Variants in PIP5K1B observed in about 807,000 individuals in gnomAD.
PIP5K1B encodes phosphatidylinositol-4-phosphate 5-kinase type 1 beta.
Under a neutral mutation model 67.0 loss-of-function variants are expected in PIP5K1B, and 42 were observed. The observed-to-expected ratio is 0.63, with a 90% CI of 0.49 to 0.81. The LOEUF (loss-of-function observed/expected upper bound fraction) is 0.81, where lower values mean the gene tolerates loss of function less well. Among genes scored for constraint, PIP5K1B ranks in the 30% least tolerant of loss-of-function variants. The pLI is 0.00. For synonymous variants in PIP5K1B, 214 were observed against 231.4 expected (o/e 0.92, Z 0.68); for missense variants, 459 against 646.3 (o/e 0.71, Z 3.14).
At chr9:68,826,820 T>C (rs1834010950) in intron 4 of PIP5K1B, among the ~76,000 whole-genome samples, 1 of 152,156 alleles carries the variant, frequency 6.6e-6, no homozygotes, top group Non-Finnish European at 1.5e-5. Context: ...GGCACAATCT[T>C]GGCTCACTGC....
chr9:68,995,986 A>T (rs1295665055), intron 15 of PIP5K1B, among the ~76,000 whole-genome samples: 2 of 152,166 alleles, frequency 1.3e-5, no homozygotes, highest in Non-Finnish European at 2.9e-5. Context: ...CAGTGTTGTC[A>T]CCAAACGTGG....
intron 1 of PIP5K1B, among the ~76,000 whole-genome samples, chr9:68,732,810 G>T (rs191241246): frequency 6.6e-6 from 1 of 151,682 alleles, no homozygotes; most frequent in Non-Finnish European, 1.5e-5. Flanking sequence ...AGGCAAAGCC[G>T]GGTAATTCTT....
At chr9:68,873,281 CTTTT>C (rs772335388) in intron 5 of PIP5K1B, among the ~76,000 whole-genome samples, 2 of 90,634 alleles carry the variant, frequency 2.2e-5, no homozygotes, top group African/African-American at 4.4e-5. Flanking sequence ...ACTTTCTGAT[CTTTT>C]TTTTTTTTTT....
intron 6 of PIP5K1B, 42 bp from the exon 7 acceptor site, chr9:68,888,939 C>T: frequency 2.1e-6 from 3 of 1,407,964 alleles, no homozygotes; most frequent in East Asian, 2.3e-5. Context: ...GCATCACGTA[C>T]ATCAAGTATA....
At chr9:68,937,401 A>G (rs753720135) in intron 13 of PIP5K1B, among the ~76,000 whole-genome samples, 3 of 152,214 alleles carry the variant, frequency 2.0e-5, no homozygotes, top group East Asian at 3.8e-4. Context: ...AGAAATGTTC[A>G]TAGTATTCTC....
At chr9:68,859,206 C>T (rs11144021) in intron 4 of PIP5K1B, among the ~76,000 whole-genome samples, 1 of 152,028 alleles carries the variant, frequency 6.6e-6, no homozygotes, top group Admixed American at 6.5e-5. Context: ...CAAATGTGAT[C>T]GTTAAAAGAC....
At chr9:68,967,878 A>AC (rs906277503) in intron 14 of PIP5K1B, among the ~76,000 whole-genome samples, 3 of 151,996 alleles carry the variant, frequency 2.0e-5, no homozygotes, top group African/African-American at 7.2e-5. Context: ...TCAAAGGCTC[A>AC]CCCCCATGGG....
chr9:68,776,550 G>T (rs1830926770), intron 2 of PIP5K1B, among the ~76,000 whole-genome samples: 1 of 152,052 alleles, frequency 6.6e-6, no homozygotes, highest in South Asian at 2.1e-4. Flanking sequence ...ACTCAACAAT[G>T]CTTCCACCTC....
intron 2 of PIP5K1B, among the ~76,000 whole-genome samples, 159 bp downstream of exon 2, chr9:68,742,816 A>G (rs1167492175): frequency 6.6e-6 from 1 of 152,184 alleles, no homozygotes; most frequent in African/African-American, 2.4e-5. Flanking sequence ...CTGTAGAAAG[A>G]GGTGCCCCAG....
chr9:68,935,870 A>C (rs1253040471), intron 13 of PIP5K1B: 1 of 152,254 alleles, frequency 6.6e-6, no homozygotes, highest in East Asian at 1.9e-4. Flanking sequence ...AGAGGCAGAA[A>C]GGAAAAATAT....
intron 4 of PIP5K1B, among the ~76,000 whole-genome samples, chr9:68,833,652 C>T (rs1323748692): frequency 6.6e-6 from 1 of 151,494 alleles, no homozygotes; most frequent in East Asian, 1.9e-4. Context: ...TAGGCAGCAG[C>T]CTAGACAAAG....
At chr9:68,990,181 T>G (rs1485369519) in intron 14 of PIP5K1B, among the ~76,000 whole-genome samples, 3 of 152,162 alleles carry the variant, frequency 2.0e-5, no homozygotes, top group African/African-American at 7.2e-5. Context: ...CAGTGCTCTG[T>G]GTTTATGTGG....
At chr9:68,844,435 G>A (rs769943806) in intron 4 of PIP5K1B, among the ~76,000 whole-genome samples, 7 of 152,192 alleles carry the variant, frequency 4.6e-5, no homozygotes, top group Non-Finnish European at 7.3e-5. Flanking sequence ...TGTTGTAGCA[G>A]CAGGAGCCAA....
chr9:68,740,095 C>G (rs1828931824), intron 1 of PIP5K1B, among the ~76,000 whole-genome samples: 1 of 152,198 alleles, frequency 6.6e-6, no homozygotes, highest in Admixed American at 6.5e-5. Context: ...ATTCCCAATC[C>G]CTACCAGTAA....
At chr9:68,850,549 C>T (rs1229309765) in intron 4 of PIP5K1B, among the ~76,000 whole-genome samples, 1 of 152,224 alleles carries the variant, frequency 6.6e-6, no homozygotes, top group Admixed American at 6.5e-5. Context: ...TGAAGAACAA[C>T]TGCTAAGTAA....
At position 68,735,582 on chromosome 9, in the gene PIP5K1B, G is replaced by A. The variant is rs116368750; in HGVS notation, c.-242-6919G>A. On this transcript the variant is annotated intron_variant, in intron 1 of 15. Transcript: ENST00000265382. ...GTTTTGTATTTTTAGTAGAGATGGC[G>A]TTTAGCCATGTTGGCCGAGCTGGTC... 4.3e-3 allele frequency among the ~76,000 whole-genome samples: 656 copies of A among 152,126 alleles called. 8 individuals are homozygous for A. The highest frequency in any genetic ancestry group is 0.015 in the African/African-American group (614 of 41,500).
chr9:68,892,168 C>A (rs1824825022), intron 7 of PIP5K1B, among the ~76,000 whole-genome samples: 1 of 152,178 alleles, frequency 6.6e-6, no homozygotes, highest in Non-Finnish European at 1.5e-5. Flanking sequence ...CCCAAATCAA[C>A]TTATAAATCC....
intron 14 of PIP5K1B, among the ~76,000 whole-genome samples, chr9:68,955,610 C>T (rs899001422): frequency 1.3e-5 from 2 of 152,212 alleles, no homozygotes; most frequent in African/African-American, 4.8e-5. Flanking sequence ...ACACAGCTCT[C>T]AGATGTAACC....
At chr9:68,723,704 T>A (rs1355863780) in intron 1 of PIP5K1B, among the ~76,000 whole-genome samples, 1 of 148,408 alleles carries the variant, frequency 6.7e-6, no homozygotes, top group East Asian at 1.9e-4. Context: ...GGTTTTTTTT[T>A]TTTTTTTTTT....
Sources: gnomAD v4.1 joint callset for allele counts (sites outside exome capture counted in the v4.1 genomes callset) on GRCh38, gnomAD v4.1.1 for gene constraint, MANE v1.5 for transcripts, NCBI Gene and HGNC (gene_info 2026-07-23, HGNC 2026-07-21) for gene names.